Variants in REL observed in about 807,000 individuals in gnomAD.
REL encodes REL proto-oncogene, NF-kB subunit.
A neutral mutation model predicts 45.9 loss-of-function variants in REL; 15 were observed. The ratio of observed to expected loss-of-function variants is 0.33; its 90% CI spans 0.22 to 0.50. REL has a LOEUF of 0.50. Among genes scored for constraint, REL ranks in the 20% least tolerant of loss-of-function variants. REL has a pLI of 0.98. For missense variants in REL, 601 were observed against 715.2 expected (o/e 0.84, Z 1.82); for synonymous variants, 239 against 242.1 (o/e 0.99, Z 0.12).
intron 8 of REL, 31 bp from the exon 9 acceptor site, chr2:60,920,543 A>G: frequency 6.7e-7 from 1 of 1,496,672 alleles, no homozygotes; most frequent in Non-Finnish European, 9.3e-7. Context: ...TTCAAATGAC[A>G]TTTAATAATG....
chr2:60,908,634 T>C (rs1330742668), intron 4 of REL, among the ~76,000 whole-genome samples: 1 of 152,250 alleles, frequency 6.6e-6, no homozygotes, highest in Non-Finnish European at 1.5e-5. Context: ...TATCATTTTC[T>C]AGTTATGTAC....
chr2:60,911,627 A>C (rs189438459), intron 4 of REL, among the ~76,000 whole-genome samples: 1 of 152,302 alleles, frequency 6.6e-6, no homozygotes. Context: ...AAAATTATAA[A>C]ATTTTATTAT....
At chr2:60,895,688 G>A (rs571201145) in intron 3 of REL, among the ~76,000 whole-genome samples, 1 of 152,204 alleles carries the variant, frequency 6.6e-6, no homozygotes, top group African/African-American at 2.4e-5. Context: ...AAGACGTCTG[G>A]TAGGCAATTT....
chr2:60,901,088 G>A lies in REL; in HGVS notation c.394+5G>A, dbSNP rs1297211730. 2 of 1,518,488 alleles carry A rather than the reference G, an allele frequency of 1.3e-6. No individual in the cohort carries two copies. The highest frequency in any genetic ancestry group is 2.6e-5 in the East Asian group (1 of 38,420). The allele number at this position is 1,518,488 out of a possible 1,614,324, so 94.1% of individuals were successfully genotyped here. On this transcript the variant is annotated splice_donor_5th_base_variant and intron_variant, in intron 4 of 9. Coordinates refer to ENST00000394479, the MANE Select transcript of REL (RefSeq NM_001291746.2). ...CAGGAATCAATCCATTCAATGGTAA[G>A]TATGTTTGATAAAATCATTTCTATT...
intron 7 of REL, among the ~76,000 whole-genome samples, chr2:60,919,466 C>G (rs1328362457): frequency 6.6e-6 from 1 of 152,024 alleles, no homozygotes; most frequent in African/African-American, 2.4e-5. Context: ...CTCTGTCTTG[C>G]CCAGGCTGGA....
At chr2:60,909,209 T>C (rs1166625019) in intron 4 of REL, among the ~76,000 whole-genome samples, 1 of 152,184 alleles carries the variant, frequency 6.6e-6, no homozygotes, top group Admixed American at 6.5e-5. Flanking sequence ...TTCAAATTTG[T>C]ATCTAACACT....
In REL at chr2:60,922,593, G is replaced by GT; in HGVS notation, c.*59dup. 1 of 1,473,558 alleles carries GT rather than the reference G, an allele frequency of 6.8e-7. No homozygotes were observed. Among genetic ancestry groups the GT allele is most frequent in the Non-Finnish European group, 9.0e-7 (1 of 1,109,100 alleles). 91.3% of individuals were successfully genotyped at this position (1,473,558 alleles called of 1,614,324 possible). A position where few individuals can be genotyped will look rare whatever the true frequency, so the allele number is the denominator to read the frequency against. ...ACCACCTATATAGATGCAGCATTTTGTATTTGTCTAACTGGGGATATAATA... is the reference window on the plus strand; with the variant it reads ...ACCACCTATATAGATGCAGCATTTTGTTATTTGTCTAACTGGGGATATAATA... On this transcript the variant is annotated 3_prime_UTR_variant, in exon 10 of 10. Transcript: ENST00000394479.
In REL at chr2:60,881,804, T is replaced by A; in HGVS notation, c.-37T>A. ...CTGCGGCCGCCTCCGGCCAGGACGC[T>A]GGGAGCTGCCTGCGGGAAGGTGCGG... On this transcript the variant is annotated 5_prime_UTR_variant, in exon 1 of 10. Coordinates refer to ENST00000394479, the MANE Select transcript of REL (RefSeq NM_001291746.2). The A allele has an allele frequency of 6.5e-7, 1 of 1,527,676 alleles. No individual in the cohort carries two copies. Among genetic ancestry groups the A allele is most frequent in the Non-Finnish European group, 8.8e-7 (1 of 1,138,764 alleles). 94.6% of individuals were successfully genotyped at this position (1,527,676 alleles called of 1,614,324 possible). A position where few individuals can be genotyped will look rare whatever the true frequency, so the allele number is the denominator to read the frequency against.
chr2:60,914,643 C>CT (rs1673912090), intron 4 of REL, among the ~76,000 whole-genome samples: 2 of 152,132 alleles, frequency 1.3e-5, no homozygotes, highest in Admixed American at 1.3e-4. Flanking sequence ...CCCTGGTCCC[C>CT]TTCTCGCTCA....
chr2:60,904,395 CTG>C (rs914539628), intron 4 of REL, among the ~76,000 whole-genome samples: 1 of 147,240 alleles, frequency 6.8e-6, no homozygotes, highest in Non-Finnish European at 1.5e-5. Flanking sequence ...GAACGAGACT[CTG>C]TCTCAATTAA....
Position 60,891,750 on chromosome 2 carries a change from A to T in REL, c.78A>T (p.Lys26Asn). ...AGAGGGGAATGCGTTTTAGATACAA[A>T]TGTGAAGGGCGATCAGCAGGCAGCA... Reference protein sequence around the residue: ...PRQRGMRFRYKCEGRSAGSIP... With the variant: ...PRQRGMRFRYNCEGRSAGSIP... Residue 26 changes from lysine to asparagine, a missense_variant, in exon 2 of 10, where the codon AAA (lysine) becomes AAT (asparagine). This residue lies in a region of REL where 241 missense variants were observed against 347.0 expected (regional missense o/e 0.69). Coordinates refer to ENST00000394479, the MANE Select transcript of REL (RefSeq NM_001291746.2). 1 of 1,614,112 alleles carries T rather than the reference A, an allele frequency of 6.2e-7. No individual in the cohort carries two copies. The highest frequency in any genetic ancestry group is 8.5e-7 in the Non-Finnish European group (1 of 1,179,988).
chr2:60,926,609 T>A lies in REL; in HGVS notation c.*4074T>A, dbSNP rs139195936. 2.2e-4 allele frequency: 52 copies of A among 231,116 alleles called. No homozygotes were observed. Among genetic ancestry groups the A allele is most frequent in the African/African-American group, 9.7e-4 (44 of 45,302 alleles). 14.3% of individuals were successfully genotyped at this position (231,116 alleles called of 1,614,324 possible). On this transcript the variant is annotated 3_prime_UTR_variant, in exon 10 of 10. Transcript: ENST00000394479. ...CCCTACCCGCCCTCCGATGATCTTA[T>A]CAGAGCCCACAGGTTCAGTTTTCTT...
At chr2:60,907,499 G>A (rs577323773) in intron 4 of REL, among the ~76,000 whole-genome samples, 1 of 151,922 alleles carries the variant, frequency 6.6e-6, no homozygotes, top group African/African-American at 2.4e-5. Flanking sequence ...GGCTGGGCAT[G>A]GGTGCGTGCT....
In REL at chr2:60,918,401, A is replaced by G; in HGVS notation, c.648A>G (p.Ile216Met). The change falls in exon 7 of 10, where the codon ATA becomes ATG. Residue 216 changes from isoleucine to methionine, a missense_variant. Coordinates refer to ENST00000394479, the MANE Select transcript of REL (RefSeq NM_001291746.2). ...LLCDKVQKDDIEVRFVLNDWE... is the reference protein window; with the variant it reads ...LLCDKVQKDDMEVRFVLNDWE... ...TGGTTTCTTATTGACTAGATGACAT[A>G]GAAGTTCGTTTTGTGTTGAACGATT... The G allele has an allele frequency of 6.2e-7, 1 of 1,612,978 alleles. No individual in the cohort carries two copies. The highest frequency in any genetic ancestry group is 8.5e-7 in the Non-Finnish European group (1 of 1,179,558).
chr2:60,909,631 A>C (rs1673755261), intron 4 of REL, among the ~76,000 whole-genome samples: 2 of 152,158 alleles, frequency 1.3e-5, no homozygotes, highest in Admixed American at 1.3e-4. Flanking sequence ...GGCTGGGCGC[A>C]GTGGCTCACG....
chr2:60,928,475 G>T lies in REL; in HGVS notation c.*5940G>T, dbSNP rs1573354601. The T allele has an allele frequency of 6.6e-6, 1 of 150,484 alleles. No homozygotes were observed. Among genetic ancestry groups the T allele is most frequent in the African/African-American group, 2.4e-5 (1 of 40,864 alleles). The allele number at this position is 150,484 out of a possible 1,614,324, so 9.3% of individuals were successfully genotyped here. A position where few individuals can be genotyped will look rare whatever the true frequency, so the allele number is the denominator to read the frequency against. ...AGCATGGTACTGGTACCAAAACAGA[G>T]ATATAGATCACTGGAACAGAACAGA... is the stretch of plus-strand genomic sequence containing the variant. On this transcript the variant is annotated 3_prime_UTR_variant, in exon 10 of 10. Transcript: ENST00000394479.
intron 4 of REL, among the ~76,000 whole-genome samples, chr2:60,910,248 G>A (rs1422957721): frequency 2.6e-5 from 4 of 151,920 alleles, no homozygotes; most frequent in African/African-American, 9.7e-5. Flanking sequence ...CGCAGATCAC[G>A]AGTTCAGGAG....
At chr2:60,919,008 G>C (rs1674058849) in intron 7 of REL, among the ~76,000 whole-genome samples, 1 of 152,154 alleles carries the variant, frequency 6.6e-6, no homozygotes, top group Non-Finnish European at 1.5e-5. Flanking sequence ...GGCTAGGCTG[G>C]TCTCTGCATC....
chr2:60,881,765 T>G lies in REL; in HGVS notation c.-76T>G. 1 of 1,419,652 alleles carries G rather than the reference T, an allele frequency of 7.0e-7. No individual in the cohort carries two copies. The highest frequency in any genetic ancestry group is 9.6e-7 in the Non-Finnish European group (1 of 1,043,902). 87.9% of individuals were successfully genotyped at this position (1,419,652 alleles called of 1,614,324 possible). A position where few individuals can be genotyped will look rare whatever the true frequency, so the allele number is the denominator to read the frequency against. ...CCCCGCCGGCAGAGGTCCCTCGGCC[T>G]CCTGACTGACTGACTGCGGCCGCCT... On this transcript the variant is annotated 5_prime_UTR_variant, in exon 1 of 10. Transcript: ENST00000394479.
Sources: allele counts gnomAD v4.1 joint callset (sites outside exome capture counted in the v4.1 genomes callset), GRCh38; gene constraint gnomAD v4.1.1; regional missense constraint gnomAD v4.1.1; transcripts MANE v1.5; gene names NCBI Gene and HGNC (gene_info 2026-07-23, HGNC 2026-07-21).